SNX19: variants seen among roughly 807,000 people sequenced by gnomAD.
SNX19 encodes sorting nexin-19.
A neutral mutation model predicts 85.2 loss-of-function variants in SNX19; 60 were observed. The observed-to-expected ratio is 0.70, with a 90% CI of 0.57 to 0.87. The LOEUF (loss-of-function observed/expected upper bound fraction) is 0.87, where lower values mean the gene tolerates loss of function less well. Ranked by LOEUF, SNX19 falls within the 40% of genes least tolerant of loss-of-function variation. SNX19 has a pLI of 0.00. For synonymous variants in SNX19, 520 were observed against 470.0 expected, an observed-to-expected ratio of 1.11 and a Z score of -1.38; for missense variants, 1,201 against 1,217.8, an observed-to-expected ratio of 0.99 and a Z score of 0.21.
chr11:130,878,583 T>A, intron 10 of SNX19, 29 bp from the exon 11 acceptor site: 3 of 1,605,044 alleles, frequency 1.9e-6, no homozygotes, highest in Non-Finnish European at 2.6e-6. Context: ...AAACTTAGGG[T>A]CTGGCTCAAT....
At chr11:130,895,622 A>C (rs1944824802) in intron 8 of SNX19, among the ~76,000 whole-genome samples, 1 of 152,214 alleles carries the variant, frequency 6.6e-6, no homozygotes, top group African/African-American at 2.4e-5. Flanking sequence ...AAAGGCTCTG[A>C]GGTTTAAATA....
chr11:130,916,070 G>A lies in SNX19; in HGVS notation c.-131C>T, dbSNP rs772157268. ...TGCTGTTCAGGGAACCGGGGCTCCA[G>A]GCCCTCAAAGTCCTACAGGCACTGC... On this transcript the variant is annotated 5_prime_UTR_variant, in exon 1 of 11. Coordinates refer to ENST00000265909, the MANE Select transcript of SNX19 (RefSeq NM_014758.3). The A allele has an allele frequency of 1.7e-5, 13 of 777,574 alleles. No individual in the cohort carries two copies. The highest frequency in any genetic ancestry group is 2.7e-5 in the Non-Finnish European group (13 of 488,774). 48.2% of individuals were successfully genotyped at this position (777,574 alleles called of 1,614,324 possible). A position where few individuals can be genotyped will look rare whatever the true frequency, so the allele number is the denominator to read the frequency against.
At position 130,903,262 on chromosome 11, in the gene SNX19, C is replaced by T. The variant is rs138056272; in HGVS notation, c.2566G>A (p.Val856Ile). The T allele has an allele frequency of 1.3e-4, 208 of 1,613,582 alleles. No homozygotes were observed. Among genetic ancestry groups the T allele is most frequent in the Non-Finnish European group, 1.7e-4 (200 of 1,179,696 alleles). ...AGAATTCAGCAGTCTTACCTTTGAA[C>T]TAGGGTCCCAAAGATAAGACGAAGA... ...KFLRLIFGTL[V>I]QRWLEVQVAN... The change falls in exon 8 of 11, where the codon GTT (valine) becomes ATT (isoleucine). Residue 856 changes from valine to isoleucine, a missense_variant. By Grantham distance (29) the Val-to-Ile change is conservative (BLOSUM62 3). This residue lies in a region of SNX19 where 285 missense variants were observed against 295.3 expected (regional missense o/e 0.97). Coordinates refer to ENST00000265909, the MANE Select transcript of SNX19 (RefSeq NM_014758.3).
chr11:130,883,311 G>A (rs532839325), intron 8 of SNX19, among the ~76,000 whole-genome samples: 4 of 152,240 alleles, frequency 2.6e-5, no homozygotes, highest in African/African-American at 7.2e-5. Flanking sequence ...ACAACTCACC[G>A]AAGAAAAGGA....
chr11:130,911,318 A>G, intron 2 of SNX19: 2 of 433,304 alleles, frequency 4.6e-6, no homozygotes, highest in African/African-American at 2.1e-5. Context: ...AAGAACCACC[A>G]ATCTATGAAT....
chr11:130,910,398 T>G (rs761525468), intron 2 of SNX19, 28 bp from the exon 3 acceptor site: 1 of 1,429,008 alleles, frequency 7.0e-7, no homozygotes. Flanking sequence ...AATCAAAATA[T>G]TCACTCATTT....
chr11:130,904,182 G>A (rs116501217), intron 7 of SNX19, among the ~76,000 whole-genome samples: 2,380 of 152,318 alleles, frequency 0.016, 61 homozygotes, highest in African/African-American at 0.055. Context: ...AGCACGTGCT[G>A]TTTAAACCTG....
chr11:130,880,795 A>G lies in SNX19; in HGVS notation c.2585T>C (p.Val862Ala), dbSNP rs1943610240. The change falls in exon 9 of 11, where the codon GTG becomes GCG. Residue 862 changes from valine (V) to alanine (A), a missense_variant. Coordinates refer to ENST00000265909, the MANE Select transcript of SNX19 (RefSeq NM_014758.3). ...TGGACTTGTTAAATTAGCTACCTGCACCTCTAGCCACCTGTGGTAGAAGAG... is the reference window on the plus strand; with the variant it reads ...TGGACTTGTTAAATTAGCTACCTGCGCCTCTAGCCACCTGTGGTAGAAGAG... Reference protein sequence around the residue: ...FGTLVQRWLEVQVANLTSPQR... With the variant: ...FGTLVQRWLEAQVANLTSPQR... 6.4e-7 allele frequency: 1 copy of G among 1,556,306 alleles called. No individual in the cohort carries two copies. Among genetic ancestry groups the G allele is most frequent in the African/African-American group, 1.3e-5 (1 of 74,154 alleles).
rs1294680994 is a variant in SNX19 at position 130,899,403 on chromosome 11, A to G, written c.2573+3852T>C. Among the ~76,000 whole-genome samples the G allele has an allele frequency of 3.3e-5, 5 of 152,306 alleles. No homozygotes were observed. The South Asian group carries it at 8.3e-4, about 25-fold the overall frequency. On this transcript the variant is annotated intron_variant, in intron 8 of 10. Coordinates refer to ENST00000265909, the MANE Select transcript of SNX19 (RefSeq NM_014758.3). Reference sequence around the variant, plus strand: ...TAGATATCATGACTTCTAGCTTCCTATCTTAAGGAGGCTTCAGGAAAACTG... The same window carrying G: ...TAGATATCATGACTTCTAGCTTCCTGTCTTAAGGAGGCTTCAGGAAAACTG...
intron 8 of SNX19, among the ~76,000 whole-genome samples, chr11:130,891,988 G>C (rs565181218): frequency 6.6e-6 from 1 of 151,792 alleles, no homozygotes; most frequent in African/African-American, 2.4e-5. Context: ...CTAAGGGCAT[G>C]CGCCACGATG....
At chr11:130,880,076 C>A (rs1943547721) in intron 9 of SNX19, among the ~76,000 whole-genome samples, 1 of 152,174 alleles carries the variant, frequency 6.6e-6, no homozygotes, top group Non-Finnish European at 1.5e-5. Flanking sequence ...CAGCCATAGG[C>A]AACAAACTGC....
chr11:130,887,322 A>G (rs1944160597), intron 8 of SNX19, among the ~76,000 whole-genome samples: 1 of 152,196 alleles, frequency 6.6e-6, no homozygotes, highest in South Asian at 2.1e-4. Context: ...AATCTCACCA[A>G]CTCTACATAT....
intron 4 of SNX19, among the ~76,000 whole-genome samples, chr11:130,909,243 T>C (rs1285446032): frequency 6.6e-6 from 1 of 152,104 alleles, no homozygotes. Context: ...TCTGGGCATT[T>C]ACCCAGTTGA....
At chr11:130,884,479 C>G (rs1368188590) in intron 8 of SNX19, among the ~76,000 whole-genome samples, 2 of 152,122 alleles carry the variant, frequency 1.3e-5, no homozygotes, top group Non-Finnish European at 2.9e-5. Context: ...GCATCAGTTT[C>G]TGGACTTTGC....
In SNX19 at chr11:130,878,424, A is replaced by G. The variant is rs1298218854; in HGVS notation, c.2977T>C (p.Ter993GlnextTer30). Reference protein sequence around the residue: ...GNSKRMGVSS* With the variant: ...GNSKRMGVSSQ ...GGGAAGAAGGCGTGAATAACCAGCT[A>G]AGAGGAGACACCCATCCTCTTAGAG... Residue 993 changes from the stop codon to glutamine (Q), a stop_lost, in exon 11 of 11, where the codon TAG becomes CAG. Transcript: ENST00000265909. The G allele has an allele frequency of 1.2e-6, 2 of 1,613,346 alleles. No individual in the cohort carries two copies. Among genetic ancestry groups the G allele is most frequent in the Non-Finnish European group, 1.7e-6 (2 of 1,179,666 alleles).
At chr11:130,911,498 C>G (rs1315677504) in intron 2 of SNX19, 135 bp downstream of exon 2, 1 of 1,509,426 alleles carries the variant, frequency 6.6e-7, no homozygotes, top group East Asian at 2.3e-5. Context: ...CTTCAAAACT[C>G]CTGAAGCAAA....
chr11:130,894,935 C>T, intron 8 of SNX19: 2 of 985,422 alleles, frequency 2.0e-6, no homozygotes, highest in Non-Finnish European at 2.4e-6. Context: ...GCTATGATTT[C>T]TATTTCGACA....
chr11:130,900,494 A>G (rs1449294937), intron 8 of SNX19, among the ~76,000 whole-genome samples: 1 of 152,150 alleles, frequency 6.6e-6, no homozygotes, highest in Non-Finnish European at 1.5e-5. Context: ...CCACATGAAA[A>G]AGTACTTCTG....
intron 8 of SNX19, chr11:130,893,832 G>A (rs574696376): frequency 1.4e-6 from 1 of 702,062 alleles, no homozygotes; most frequent in East Asian, 2.7e-5. Context: ...AATCTTTCGG[G>A]GCCAGCATTA....
Sources: gnomAD v4.1 joint callset for allele counts (sites outside exome capture counted in the v4.1 genomes callset) on GRCh38, gnomAD v4.1.1 for gene constraint, gnomAD v4.1.1 regional missense constraint, MANE v1.5 for transcripts, NCBI Gene and HGNC (gene_info 2026-07-23, HGNC 2026-07-21) for gene names.